KIRREL3: variants seen among roughly 807,000 people sequenced by gnomAD.
The protein encoded by KIRREL3 is kirre like nephrin family adhesion molecule 3.
In KIRREL3, 36 loss-of-function variants were observed where a neutral mutation model predicts 89.7. That is an observed-to-expected ratio of 0.40 (90% CI 0.31 to 0.53). KIRREL3 has a LOEUF of 0.53. KIRREL3 is among the 20% of genes least tolerant of loss of function. KIRREL3 has a pLI of 0.49. For synonymous variants in KIRREL3, 445 were observed against 441.4 expected, an observed-to-expected ratio of 1.01 and a Z score of -0.10; for missense variants, 864 against 1,056.6, an observed-to-expected ratio of 0.82 and a Z score of 2.53.
At position 126,989,907 on chromosome 11, in the gene KIRREL3, A is replaced by C. The variant is rs1215617042; in HGVS notation, c.55+10548T>G. Among the ~76,000 whole-genome samples the C allele has an allele frequency of 1.3e-5, 2 of 152,292 alleles. No individual in the cohort carries two copies. The highest frequency in any genetic ancestry group is 3.9e-4 in the East Asian group (2 of 5,170). ...TTAGTAATACCATCCAGAGGTGAAA[A>C]CAGAGTAGCACCTCCACAGCCTGCC... On this transcript the variant is annotated intron_variant, in intron 1 of 16. Coordinates refer to ENST00000525144, the MANE Select transcript of KIRREL3 (RefSeq NM_032531.4). The surrounding 1 kb of genome is among the most constrained non-coding windows in gnomAD (Gnocchi z 6.2).
chr11:126,856,874 T>A (rs1944536719), intron 1 of KIRREL3, among the ~76,000 whole-genome samples: 2 of 151,964 alleles, frequency 1.3e-5, no homozygotes, highest in South Asian at 4.2e-4. Flanking sequence ...ATTACAGGAG[T>A]GAGCCACTGC....
In KIRREL3 at chr11:126,563,079, A is replaced by G. The variant is rs1244949168; in HGVS notation, c.56-167T>C. ...TATGTTCCAGGCATAAGTTTAAGCCAGCAATTCTTCATTTTGATTCTCATA... is the reference window on the plus strand; with the variant it reads ...TATGTTCCAGGCATAAGTTTAAGCCGGCAATTCTTCATTTTGATTCTCATA... On this transcript the variant is annotated intron_variant, in intron 1 of 16. Coordinates refer to ENST00000525144, the MANE Select transcript of KIRREL3 (RefSeq NM_032531.4). This position sits in a 1 kb window ranked among gnomAD's most constrained non-coding sequence, Gnocchi z 6.8. Among the ~76,000 whole-genome samples the G allele has an allele frequency of 6.6e-6, 1 of 152,238 alleles. No individual in the cohort carries two copies. Among genetic ancestry groups the G allele is most frequent in the East Asian group, 1.9e-4 (1 of 5,198 alleles).
chr11:126,939,768 T>C (rs1251313606), intron 1 of KIRREL3, among the ~76,000 whole-genome samples: 1 of 152,188 alleles, frequency 6.6e-6, no homozygotes, highest in Non-Finnish European at 1.5e-5. Context: ...CATTTCTACT[T>C]TATATGAAAC....
chr11:126,628,048 T>A lies in KIRREL3; in HGVS notation c.56-65136A>T, dbSNP rs570958368. On this transcript the variant is annotated intron_variant, in intron 1 of 16. Coordinates refer to ENST00000525144, the MANE Select transcript of KIRREL3 (RefSeq NM_032531.4). The surrounding 1 kb of genome is among the most constrained non-coding windows in gnomAD (Gnocchi z 5.2). ...TCTAATGAGCAAATGACCTATACTA[T>A]TCTGAAGGACAAGAAATGCTAAATT... 2.6e-5 allele frequency among the ~76,000 whole-genome samples: 4 copies of A among 152,364 alleles called. No individual in the cohort carries two copies. The South Asian group carries it at 8.3e-4, about 32-fold the overall frequency.
In KIRREL3 at chr11:126,747,385, A is replaced by G. The variant is rs1459814943; in HGVS notation, c.56-184473T>C. On this transcript the variant is annotated intron_variant, in intron 1 of 16. Transcript: ENST00000525144. The surrounding 1 kb of genome is among the most constrained non-coding windows in gnomAD (Gnocchi z 4.7). ...TACTGAAAGCTAGTACCGTCGTCCC[A>G]TGCTCTTCCCCATTATGTCCTCTAC... 6.6e-6 allele frequency among the ~76,000 whole-genome samples: 1 copy of G among 152,194 alleles called. No homozygotes were observed. Among genetic ancestry groups the G allele is most frequent in the African/African-American group, 2.4e-5 (1 of 41,456 alleles).
At chr11:126,435,225 C>T (rs775514564) in intron 13 of KIRREL3, 43 bp downstream of exon 13, 4 of 1,609,252 alleles carry the variant, frequency 2.5e-6, no homozygotes, top group African/African-American at 1.3e-5. Flanking sequence ...CAGGAAGTCC[C>T]TTCCCCCCTT....
chr11:126,938,142 C>T (rs1948286574), intron 1 of KIRREL3, among the ~76,000 whole-genome samples: 1 of 152,138 alleles, frequency 6.6e-6, no homozygotes, highest in South Asian at 2.1e-4. Context: ...CTATACCTAC[C>T]TGGCAAAGTA....
At position 126,811,165 on chromosome 11, in the gene KIRREL3, C is replaced by A. The variant is rs1430471134; in HGVS notation, c.55+189290G>T. ...AGGCTCTTAAGCAGCCAGCTAGCAA[C>A]TCCATGTGTTGTTACCCCACCTGAC... is the stretch of plus-strand genomic sequence containing the variant. On this transcript the variant is annotated intron_variant, in intron 1 of 16. Coordinates refer to ENST00000525144, the MANE Select transcript of KIRREL3 (RefSeq NM_032531.4). This position sits in a 1 kb window ranked among gnomAD's most constrained non-coding sequence, Gnocchi z 4.3. Among the ~76,000 whole-genome samples the A allele has an allele frequency of 3.3e-5, 5 of 152,324 alleles. No homozygotes were observed. In the South Asian group the frequency reaches 8.3e-4, roughly 25 times the overall value.
At position 126,528,165 on chromosome 11, in the gene KIRREL3, A is replaced by G. The variant is rs536404650; in HGVS notation, c.134-1478T>C. On this transcript the variant is annotated intron_variant, in intron 2 of 16. Coordinates refer to ENST00000525144, the MANE Select transcript of KIRREL3 (RefSeq NM_032531.4). The surrounding 1 kb of genome is among the most constrained non-coding windows in gnomAD (Gnocchi z 4.6). ...CCCTTTTTCCTACCTCCTGCTCTAC[A>G]GACCCAGACCTAACCGAGGCAAAAC... Among the ~76,000 whole-genome samples the G allele has an allele frequency of 1.6e-4, 24 of 152,314 alleles. No individual in the cohort carries two copies. The South Asian group carries it at 4.3e-3, about 28-fold the overall frequency.
chr11:126,464,000 A>C lies in KIRREL3; in HGVS notation c.592-693T>G, dbSNP rs1009146799. On this transcript the variant is annotated intron_variant, in intron 5 of 16. Transcript: ENST00000525144. This position sits in a 1 kb window ranked among gnomAD's most constrained non-coding sequence, Gnocchi z 5.9. ...GGAGCTTGACCAAACTCACATTTCA[A>C]GTTGGTCCTGAAATAAGTACTAGTC... Among the ~76,000 whole-genome samples, 2 of 152,198 alleles carry C rather than the reference A, an allele frequency of 1.3e-5. No individual in the cohort carries two copies. The highest frequency in any genetic ancestry group is 4.8e-5 in the African/African-American group (2 of 41,444).
Position 126,525,577 on chromosome 11 carries a change from G to A in KIRREL3, c.283+961C>T, listed in dbSNP as rs780457508. 1.1e-4 allele frequency among the ~76,000 whole-genome samples: 16 copies of A among 152,100 alleles called. No homozygotes were observed. Among genetic ancestry groups the A allele is most frequent in the Non-Finnish European group, 2.1e-4 (14 of 68,030 alleles). ...ACCATCATGTTCCTGAGTGCACTTC[G>A]ATTTTTATTTTCCTGCAGCTGTACA... On this transcript the variant is annotated intron_variant, in intron 3 of 16. Transcript: ENST00000525144. This position sits in a 1 kb window ranked among gnomAD's most constrained non-coding sequence, Gnocchi z 5.4.
At chr11:126,863,390 CGT>C (rs1565362541) in intron 1 of KIRREL3, among the ~76,000 whole-genome samples, 1 of 60,710 alleles carries the variant, frequency 1.6e-5, no homozygotes, top group African/African-American at 7.9e-5. Flanking sequence ...TGTTTGAGTG[CGT>C]GTGTGAGTGC....
rs1423305123 is a variant in KIRREL3 at position 126,705,189 on chromosome 11, G to A, written c.56-142277C>T. 6.6e-6 allele frequency among the ~76,000 whole-genome samples: 1 copy of A among 152,162 alleles called. No homozygotes were observed. Among genetic ancestry groups the A allele is most frequent in the Non-Finnish European group, 1.5e-5 (1 of 68,030 alleles). ...TCTACTCGTGCCAAAATTATAAACA[G>A]TTTATTTGCATCATTCTGCAAATTT... On this transcript the variant is annotated intron_variant, in intron 1 of 16. Transcript: ENST00000525144. The surrounding 1 kb of genome is among the most constrained non-coding windows in gnomAD (Gnocchi z 4.3).
chr11:126,502,086 A>C (rs1231314639), intron 4 of KIRREL3, among the ~76,000 whole-genome samples: 1 of 152,224 alleles, frequency 6.6e-6, no homozygotes, highest in Non-Finnish European at 1.5e-5. Context: ...TAATGAATGT[A>C]AAAAACTCTA....
At chr11:126,721,487 C>A (rs1195823185) in intron 1 of KIRREL3, among the ~76,000 whole-genome samples, 1 of 150,730 alleles carries the variant, frequency 6.6e-6, no homozygotes, top group Non-Finnish European at 1.5e-5. Flanking sequence ...CTGAGATGCG[C>A]CTTTGCACTC....
intron 1 of KIRREL3, among the ~76,000 whole-genome samples, chr11:126,921,967 CTATCTAT>C (rs1947344419): frequency 7.3e-5 from 4 of 54,816 alleles, no homozygotes; most frequent in African/African-American, 3.4e-4. Context: ...ATATCTATAT[CTATCTAT>C]CTATCTATCT....
intron 1 of KIRREL3, among the ~76,000 whole-genome samples, chr11:126,717,409 A>T (rs1397699301): frequency 6.6e-5 from 10 of 152,234 alleles, no homozygotes; most frequent in African/African-American, 2.4e-4. Context: ...TGGCTATGTG[A>T]ACCAGCAGTG....
chr11:126,923,209 T>TCTTCTA (rs1947488255), intron 1 of KIRREL3, among the ~76,000 whole-genome samples: 38 of 11,552 alleles, frequency 3.3e-3, no homozygotes, highest in African/African-American at 3.5e-3. Flanking sequence ...TTCTTCTTCT[T>TCTTCTA]CTTCTTCTTC....
intron 1 of KIRREL3, among the ~76,000 whole-genome samples, chr11:126,617,607 C>T (rs759056700): frequency 5.3e-5 from 8 of 152,138 alleles, no homozygotes; most frequent in African/African-American, 1.2e-4. Context: ...GAGCAAATCA[C>T]GAATGCTGAC....
Sources: allele counts gnomAD v4.1 joint callset (sites outside exome capture counted in the v4.1 genomes callset), GRCh38; gene constraint gnomAD v4.1.1; non-coding constraint Gnocchi (gnomAD v3.1); transcripts MANE v1.5; gene names NCBI Gene and HGNC (gene_info 2026-07-23, HGNC 2026-07-21).